ADA: variants seen among roughly 807,000 people sequenced by gnomAD.
ADA encodes adenosine aminohydrolase.
ADA carries 45 observed loss-of-function variants against 49.0 expected under a neutral mutation model. That is an observed-to-expected ratio of 0.92 (90% confidence interval 0.72 to 1.18). The LOEUF is 1.18. Ranked by LOEUF, ADA falls within the 50% of genes most tolerant of loss-of-function variation. The pLI is 0.00. For missense variants in ADA, 445 were observed against 472.5 expected, an observed-to-expected ratio of 0.94 and a Z score of 0.54; for synonymous variants, 173 against 184.2, an observed-to-expected ratio of 0.94 and a Z score of 0.49.
chr20:44,622,055 T>C (rs904944704), intron 9 of ADA, among the ~76,000 whole-genome samples: 1 of 152,134 alleles, frequency 6.6e-6, no homozygotes, highest in African/African-American at 2.4e-5. Flanking sequence ...GAAGGCGGCT[T>C]TTTCCTAAGG....
At chr20:44,622,961 G>C in intron 7 of ADA, 31 bp from the exon 8 acceptor site, 5 of 1,614,226 alleles carry the variant, frequency 3.1e-6, no homozygotes, top group Non-Finnish European at 4.2e-6. Context: ...GCCAAGTATG[G>C]GAGGAGGCAG....
intron 2 of ADA, among the ~76,000 whole-genome samples, chr20:44,631,677 C>T (rs755365192): frequency 1.2e-4 from 18 of 152,304 alleles, no homozygotes; most frequent in Non-Finnish European, 1.9e-4. Context: ...GCCCTCTGGT[C>T]GTTCTCTCTC....
intron 10 of ADA, 169 bp from the exon 11 acceptor site, chr20:44,620,570 G>A: frequency 4.4e-6 from 3 of 687,940 alleles, no homozygotes; most frequent in South Asian, 1.6e-5. Context: ...AGACCATGAG[G>A]TCGTGTTCTT....
intron 9 of ADA, 147 bp downstream of exon 9, chr20:44,622,441 T>C (rs2065340644): frequency 6.2e-6 from 6 of 973,262 alleles, no homozygotes; most frequent in Non-Finnish European, 9.6e-6. Flanking sequence ...ATTTGTAAGA[T>C]GAGGACGGCA....
chr20:44,651,536 C>T, intron 1 of ADA, 39 bp downstream of exon 1: 2 of 1,524,838 alleles, frequency 1.3e-6, no homozygotes, highest in Non-Finnish European at 1.8e-6. Context: ...GCCGCCCAGG[C>T]GCCGGACCCC....
intron 3 of ADA, among the ~76,000 whole-genome samples, chr20:44,627,387 T>TA (rs2065393131): frequency 6.6e-6 from 1 of 152,120 alleles, no homozygotes; most frequent in Non-Finnish European, 1.5e-5. Context: ...TTCGCTGTGT[T>TA]AGCCAGGATG....
intron 1 of ADA, among the ~76,000 whole-genome samples, chr20:44,648,608 ACT>A (rs913560256): frequency 6.6e-6 from 1 of 151,672 alleles, no homozygotes; most frequent in African/African-American, 2.4e-5. Context: ...CCGCCACTGG[ACT>A]CTCTTCCCTG....
At position 44,619,769 on chromosome 20, in the gene ADA, A is replaced by C. The variant is rs977422005; in HGVS notation, c.*65T>G. ...TCTTCTTGGAAGGAATAAATGTAAA[A>C]ATGTTGCTCAGCCCCACAGAGTTGG... is the stretch of plus-strand genomic sequence containing the variant. On this transcript the variant is annotated 3_prime_UTR_variant, in exon 12 of 12. Coordinates refer to ENST00000372874, the MANE Select transcript of ADA (RefSeq NM_000022.4). 1.2e-5 allele frequency: 19 copies of C among 1,599,048 alleles called. No homozygotes were observed. Among genetic ancestry groups the C allele is most frequent in the Non-Finnish European group, 1.4e-5 (16 of 1,166,522 alleles).
chr20:44,637,271 T>G (rs1306110501), intron 1 of ADA, among the ~76,000 whole-genome samples: 3 of 152,190 alleles, frequency 2.0e-5, no homozygotes, highest in African/African-American at 7.2e-5. Flanking sequence ...ACAAGACACT[T>G]GACCTCTCTG....
chr20:44,639,515 C>T (rs943968827), intron 1 of ADA, among the ~76,000 whole-genome samples: 3 of 152,198 alleles, frequency 2.0e-5, no homozygotes, highest in South Asian at 2.1e-4. Context: ...CGGGTTCAAG[C>T]GATTCTCCTG....
At chr20:44,621,955 C>T (rs1018480472) in intron 9 of ADA, among the ~76,000 whole-genome samples, 11 of 152,190 alleles carry the variant, frequency 7.2e-5, no homozygotes, top group African/African-American at 2.2e-4. Flanking sequence ...ACATCAGAGC[C>T]GAAGCCCCTC....
At chr20:44,622,520 C>G in intron 9 of ADA, 68 bp downstream of exon 9, 3 of 1,581,576 alleles carry the variant, frequency 1.9e-6, no homozygotes, top group Non-Finnish European at 2.6e-6. Flanking sequence ...ATGCCCAATC[C>G]CTAAAGTTTC....
In ADA at chr20:44,622,647, G is replaced by GCAGAC. The variant is rs757796081; in HGVS notation, c.785_786insGTCTG (p.Cys262TrpfsTer51). The GCAGAC allele has an allele frequency of 2.5e-6, 4 of 1,614,104 alleles. No homozygotes were observed. The African/African-American group carries it at 5.3e-5, about 22-fold the overall frequency. On this transcript the variant is annotated frameshift_variant, in exon 9 of 12. Coordinates refer to ENST00000372874, the MANE Select transcript of ADA (RefSeq NM_000022.4). LOFTEE classifies it high-confidence loss of function. ...CACCAGTGAGGTAGCTGGACCAGGG[G>GCAGAC]CAGATCTGGAAGAGCAGGTGTGTGG...
At chr20:44,634,006 C>A (rs2065456559) in intron 2 of ADA, among the ~76,000 whole-genome samples, 1 of 152,274 alleles carries the variant, frequency 6.6e-6, no homozygotes, top group Non-Finnish European at 1.5e-5. Flanking sequence ...TCAGGCCAAG[C>A]TCCAGCTGGC....
chr20:44,622,980 G>A (rs1403919375), intron 7 of ADA, 27 bp downstream of exon 7: 1 of 1,614,098 alleles, frequency 6.2e-7, no homozygotes, highest in East Asian at 2.2e-5. Flanking sequence ...AGTGAGGAGG[G>A]ACCCCATGGC....
At chr20:44,634,912 G>A (rs979514267) in intron 2 of ADA, among the ~76,000 whole-genome samples, 25 of 152,242 alleles carry the variant, frequency 1.6e-4, no homozygotes, top group African/African-American at 6.0e-4. Context: ...TGACAGAGAG[G>A]CTGAGTTCTT....
chr20:44,621,077 T>TGTCCAG lies in ADA; in HGVS notation c.910_915dup (p.Leu304_Asp305dup). 1 of 1,614,196 alleles carries TGTCCAG rather than the reference T, an allele frequency of 6.2e-7. No individual in the cohort carries two copies. Among genetic ancestry groups the TGTCCAG allele is most frequent in the Non-Finnish European group, 8.5e-7 (1 of 1,180,036 alleles). On this transcript the variant is annotated inframe_insertion, in exon 10 of 12. Coordinates refer to ENST00000372874, the MANE Select transcript of ADA (RefSeq NM_000022.4). ...TCCCGTTTGGTCATCTGGTAATCAG[T>TGTCCAG]GTCCAGGGTGGACTTGAAGATGAGC... is the stretch of plus-strand genomic sequence containing the variant.
At position 44,649,352 on chromosome 20, in the gene ADA, T is replaced by G. The variant is rs1183951593; in HGVS notation, c.33+2223A>C. Among the ~76,000 whole-genome samples, 8 of 151,920 alleles carry G rather than the reference T, an allele frequency of 5.3e-5. No individual in the cohort carries two copies. The East Asian group carries it at 1.5e-3, about 29-fold the overall frequency. On this transcript the variant is annotated intron_variant, in intron 1 of 11. Coordinates refer to ENST00000372874, the MANE Select transcript of ADA (RefSeq NM_000022.4). ...GATTCACACTCCTTCCCACTTCTCCTGCCAGCTCACACAAGTTCCTCCTCA... is the reference window on the plus strand; with the variant it reads ...GATTCACACTCCTTCCCACTTCTCCGGCCAGCTCACACAAGTTCCTCCTCA...
chr20:44,620,195 A>T, intron 11 of ADA, 104 bp downstream of exon 11: 1 of 1,035,156 alleles, frequency 9.7e-7, no homozygotes, highest in Non-Finnish European at 1.5e-6. Flanking sequence ...TCACACATTC[A>T]TGGCGCTGCC....
Sources: gnomAD v4.1 joint callset for allele counts (sites outside exome capture counted in the v4.1 genomes callset) on GRCh38, gnomAD v4.1.1 for gene constraint, MANE v1.5 for transcripts, NCBI Gene and HGNC (gene_info 2026-07-23, HGNC 2026-07-21) for gene names.